The following TUSC3 variants were observed in gnomAD, a reference collection of about 807,000 sequenced individuals.
The protein encoded by TUSC3 is dolichyl-diphosphooligosaccharide--protein glycosyltransferase subunit TUSC3.
A neutral mutation model predicts 44.8 loss-of-function variants in TUSC3; 45 were observed. The ratio of observed to expected loss-of-function variants is 1.00; its 90% CI spans 0.79 to 1.29. The LOEUF is 1.29. TUSC3 is among the 50% of genes most tolerant of loss of function. TUSC3 has a pLI of 0.00. For synonymous variants in TUSC3, 212 were observed against 152.9 expected (o/e 1.39, Z -2.85); for missense variants, 519 against 437.9 (o/e 1.19, Z -1.65).
chr8:15,576,773 C>T (rs1160279609), intron 1 of TUSC3, among the ~76,000 whole-genome samples: 13 of 138,798 alleles, frequency 9.4e-5, no homozygotes, highest in South Asian at 7.4e-4. Flanking sequence ...AATAAACATA[C>T]GTGTGCATGT....
chr8:15,567,226 A>G (rs1035420216), intron 1 of TUSC3, among the ~76,000 whole-genome samples: 1 of 152,152 alleles, frequency 6.6e-6, no homozygotes, highest in Non-Finnish European at 1.5e-5. Context: ...GCAGTGGGGA[A>G]GTGGAAGCAT....
At chr8:15,421,052 C>T (rs924311777) in intron 1 of TUSC3, among the ~76,000 whole-genome samples, 1 of 152,202 alleles carries the variant, frequency 6.6e-6, no homozygotes, top group Non-Finnish European at 1.5e-5. Context: ...CAACTGCCTA[C>T]TCACTACCTC....
At chr8:15,439,884 C>T (rs1295571143) in intron 1 of TUSC3, among the ~76,000 whole-genome samples, 6 of 152,118 alleles carry the variant, frequency 3.9e-5, no homozygotes, top group Non-Finnish European at 7.4e-5. Flanking sequence ...AAAAATCTTC[C>T]TTTTGAATCA....
chr8:15,780,371 A>G, the TUSC3 span, among the ~76,000 whole-genome samples: 20 of 152,290 alleles, frequency 1.3e-4, no homozygotes, highest in East Asian at 1.4e-3. Flanking sequence ...TCCTAACTCA[A>G]AGGTTCCCCA....
intron 8 of TUSC3, among the ~76,000 whole-genome samples, chr8:15,744,258 A>C (rs1270873577): frequency 1.5e-4 from 23 of 152,188 alleles, no homozygotes; most frequent in Admixed American, 1.5e-3. Flanking sequence ...AGAGTTGTAG[A>C]AAAACATATA....
At chr8:15,545,910 A>C (rs1222116811) in intron 1 of TUSC3, among the ~76,000 whole-genome samples, 1 of 151,764 alleles carries the variant, frequency 6.6e-6, no homozygotes, top group Non-Finnish European at 1.5e-5. Context: ...ACTATCTCAG[A>C]CTATCAGATA....
intron 1 of TUSC3, among the ~76,000 whole-genome samples, chr8:15,473,634 C>T (rs1426867618): frequency 5.3e-5 from 8 of 152,116 alleles, no homozygotes; most frequent in South Asian, 2.1e-4. Context: ...CATCATATAT[C>T]GGCAGGACCG....
At chr8:15,561,867 G>T (rs77335987) in intron 1 of TUSC3, among the ~76,000 whole-genome samples, 5 of 152,056 alleles carry the variant, frequency 3.3e-5, no homozygotes, top group Non-Finnish European at 7.4e-5. Context: ...TTCGGCTGGC[G>T]CACGGTGTGC....
At chr8:15,687,668 A>G (rs1020566547) in intron 6 of TUSC3, among the ~76,000 whole-genome samples, 2 of 152,174 alleles carry the variant, frequency 1.3e-5, no homozygotes, top group Admixed American at 1.3e-4. Flanking sequence ...GTTGCTGCCT[A>G]TCTATGATCC....
chr8:15,574,771 A>G (rs1803025411), intron 1 of TUSC3, among the ~76,000 whole-genome samples: 1 of 152,182 alleles, frequency 6.6e-6, no homozygotes, highest in South Asian at 2.1e-4. Context: ...ATGAAACATT[A>G]TTTTAAGCTA....
At chr8:15,774,084 A>G in the TUSC3 span, among the ~76,000 whole-genome samples, 9 of 152,186 alleles carry the variant, frequency 5.9e-5, no homozygotes, top group Non-Finnish European at 1.0e-4. Flanking sequence ...TAAAAGCACT[A>G]TGGAGAGCAA....
intron 2 of TUSC3, among the ~76,000 whole-genome samples, chr8:15,646,283 T>C (rs1806626356): frequency 6.6e-6 from 1 of 152,100 alleles, no homozygotes; most frequent in Non-Finnish European, 1.5e-5. Flanking sequence ...ACAGACTATT[T>C]GAGTGTGGTA....
intron 1 of TUSC3, among the ~76,000 whole-genome samples, chr8:15,568,775 TA>T (rs1010043525): frequency 1.1e-4 from 17 of 148,916 alleles, no homozygotes; most frequent in African/African-American, 2.0e-4. Context: ...CTAATTTTTG[TA>T]AAAAAAAAAT....
chr8:15,528,191 G>A (rs536631032), intron 2 of TUSC3, among the ~76,000 whole-genome samples: 32 of 151,886 alleles, frequency 2.1e-4, no homozygotes, highest in Non-Finnish European at 4.6e-4. Flanking sequence ...CATTTGTGGT[G>A]TTTGAAAAAA....
Position 15,638,946 on chromosome 8 carries a change from C to CTTTGGACTTTCTGTGTGCTTAGTGGGATT in TUSC3, c.309-11749_309-11748insTGGACTTTCTGTGTGCTTAGTGGGATTTT, listed in dbSNP as rs1563147793. Among the ~76,000 whole-genome samples the CTTTGGACTTTCTGTGTGCTTAGTGGGATT allele has an allele frequency of 6.6e-5, 10 of 151,832 alleles. No individual in the cohort carries two copies. The East Asian group carries it at 9.9e-4, about 15-fold the overall frequency. On this transcript the variant is annotated intron_variant, in intron 2 of 10. Transcript: ENST00000503731. ...ATGCTAGATCACGTGATGTTCAGAG[C>CTTTGGACTTTCTGTGTGCTTAGTGGGATT]TTCAGTGATGATGATCATGTGTCGA...
chr8:15,500,617 C>G (rs1053599782), intron 2 of TUSC3, among the ~76,000 whole-genome samples: 1 of 152,202 alleles, frequency 6.6e-6, no homozygotes, highest in Admixed American at 6.5e-5. Flanking sequence ...CCAGTTGAAC[C>G]TGGTAGATGA....
rs146184854 is a variant in TUSC3 at position 15,571,723 on chromosome 8, T to C, written c.138+31155T>C. Reference sequence around the variant, plus strand: ...CTGTTTGATAGAATTTTACCCATAGTCTGACTTTTTGCAAAATTGGAGTCT... The same window carrying C: ...CTGTTTGATAGAATTTTACCCATAGCCTGACTTTTTGCAAAATTGGAGTCT... On this transcript the variant is annotated intron_variant, in intron 1 of 10. Coordinates refer to ENST00000503731, the MANE Select transcript of TUSC3 (RefSeq NM_006765.4). Among the ~76,000 whole-genome samples, 255 of 152,294 alleles carry C rather than the reference T, an allele frequency of 1.7e-3. 1 individual carries two copies. The highest frequency in any genetic ancestry group is 5.9e-3 in the African/African-American group (245 of 41,578).
chr8:15,852,056 C>T, the TUSC3 span, among the ~76,000 whole-genome samples: 88 of 152,240 alleles, frequency 5.8e-4, 1 homozygote, highest in African/African-American at 1.7e-3. Context: ...CCACGTGGAA[C>T]TGTGAGTCCA....
At chr8:15,814,866 T>C in the TUSC3 span, among the ~76,000 whole-genome samples, 1 of 152,182 alleles carries the variant, frequency 6.6e-6, no homozygotes, top group African/African-American at 2.4e-5. Context: ...ATATAAATGT[T>C]GATTGCCTAC....
Sources: gnomAD v4.1 joint callset for allele counts (sites outside exome capture counted in the v4.1 genomes callset) on GRCh38, gnomAD v4.1.1 for gene constraint, MANE v1.5 for transcripts, NCBI Gene and HGNC (gene_info 2026-07-23, HGNC 2026-07-21) for gene names.